The following CCSER1 variants were observed in gnomAD, a reference collection of about 807,000 sequenced individuals.
CCSER1 encodes the protein coiled-coil serine rich protein 1.
A neutral mutation model predicts 82.0 loss-of-function variants in CCSER1; 41 were observed. That is an observed-to-expected ratio of 0.50 (90% CI 0.39 to 0.65). The LOEUF (loss-of-function observed/expected upper bound fraction) is 0.65. Among genes scored for constraint, CCSER1 ranks in the 30% least tolerant of loss-of-function variants. The pLI is 0.00. For missense variants in CCSER1, 1,119 were observed against 1,064.2 expected (o/e 1.05, Z -0.72); for synonymous variants, 414 against 383.9 (o/e 1.08, Z -0.92).
At chr4:90,663,693 A>G (rs1731216506) in intron 6 of CCSER1, among the ~76,000 whole-genome samples, 1 of 152,172 alleles carries the variant, frequency 6.6e-6, no homozygotes, top group African/African-American at 2.4e-5. Context: ...TTTATTTTAC[A>G]ATATTTTAGT....
chr4:91,446,840 T>C (rs894862205), intron 10 of CCSER1, among the ~76,000 whole-genome samples: 3 of 151,920 alleles, frequency 2.0e-5, no homozygotes, highest in Admixed American at 2.0e-4. Flanking sequence ...GGTTATGATG[T>C]CTACAGCAGG....
chr4:91,231,460 G>A (rs1738619932), intron 10 of CCSER1, among the ~76,000 whole-genome samples: 1 of 151,764 alleles, frequency 6.6e-6, no homozygotes, highest in Non-Finnish European at 1.5e-5. Context: ...GAGAGGTGTG[G>A]TGGGGGAATT....
At chr4:90,773,642 G>A (rs1396451097) in intron 7 of CCSER1, among the ~76,000 whole-genome samples, 1 of 152,108 alleles carries the variant, frequency 6.6e-6, no homozygotes, top group Non-Finnish European at 1.5e-5. Flanking sequence ...TGGAAAACCA[G>A]GTGTTGGTAT....
chr4:90,556,493 T>C (rs1778156925), intron 5 of CCSER1, among the ~76,000 whole-genome samples: 1 of 152,030 alleles, frequency 6.6e-6, no homozygotes, highest in South Asian at 2.1e-4. Context: ...CACAGATAAC[T>C]TTTGGCTCCA....
intron 8 of CCSER1, among the ~76,000 whole-genome samples, chr4:90,826,688 ATCTG>A (rs1250891140): frequency 2.0e-5 from 3 of 152,186 alleles, no homozygotes; most frequent in Admixed American, 6.5e-5. Context: ...TGAGAGGAAA[ATCTG>A]TCTGACTCCA....
intron 10 of CCSER1, among the ~76,000 whole-genome samples, chr4:91,324,229 A>G (rs1445232655): frequency 6.6e-6 from 1 of 152,154 alleles, no homozygotes; most frequent in Non-Finnish European, 1.5e-5. Flanking sequence ...CTCCAAAATT[A>G]TAGTATTTAT....
At chr4:90,937,277 C>CCAGAACA (rs1028592539) in intron 9 of CCSER1, among the ~76,000 whole-genome samples, 1 of 152,050 alleles carries the variant, frequency 6.6e-6, no homozygotes, top group Non-Finnish European at 1.5e-5. Context: ...GTTCACAGAA[C>CCAGAACA]CAGAACAAGC....
chr4:91,446,579 T>TTGTG (rs10607137), intron 10 of CCSER1, among the ~76,000 whole-genome samples: 3 of 146,716 alleles, frequency 2.0e-5, no homozygotes, highest in African/African-American at 7.5e-5. Context: ...TTTCTATTCT[T>TTGTG]TGTGTGTGTG....
chr4:91,151,275 C>A (rs2148953418), intron 10 of CCSER1, among the ~76,000 whole-genome samples: 1 of 152,200 alleles, frequency 6.6e-6, no homozygotes, highest in East Asian at 1.9e-4. Flanking sequence ...TTATAGTATT[C>A]TCTGATGGTA....
chr4:91,311,521 A>G (rs1489590988), intron 10 of CCSER1, among the ~76,000 whole-genome samples: 1 of 151,974 alleles, frequency 6.6e-6, no homozygotes, highest in African/African-American at 2.4e-5. Context: ...TATTTCATTG[A>G]ACATGCCTAT....
At chr4:90,391,448 A>G (rs1373325293) in intron 3 of CCSER1, among the ~76,000 whole-genome samples, 8 of 52,872 alleles carry the variant, frequency 1.5e-4, no homozygotes, top group South Asian at 1.2e-3. Flanking sequence ...ATGGGGGTAT[A>G]TATATATATA....
chr4:90,532,493 T>C (rs1447539765), intron 5 of CCSER1, among the ~76,000 whole-genome samples: 2 of 152,042 alleles, frequency 1.3e-5, no homozygotes, highest in Non-Finnish European at 2.9e-5. Flanking sequence ...GTTGGAGCTT[T>C]TTACGGTGGT....
chr4:90,824,322 C>A (rs904046399), intron 8 of CCSER1, among the ~76,000 whole-genome samples: 25 of 151,726 alleles, frequency 1.6e-4, no homozygotes, highest in African/African-American at 6.1e-4. Flanking sequence ...CATTTGTTAA[C>A]AATTGAATAG....
chr4:91,441,268 C>T (rs546093071), intron 10 of CCSER1, among the ~76,000 whole-genome samples: 2 of 152,106 alleles, frequency 1.3e-5, no homozygotes, highest in South Asian at 2.1e-4. Context: ...AAAGCTTATC[C>T]ACCATGATCA....
At chr4:91,194,106 A>T (rs992715369) in intron 10 of CCSER1, among the ~76,000 whole-genome samples, 7 of 152,150 alleles carry the variant, frequency 4.6e-5, no homozygotes, top group African/African-American at 1.4e-4. Flanking sequence ...AGTAGCTGGG[A>T]TTGCAGGCAT....
intron 4 of CCSER1, among the ~76,000 whole-genome samples, chr4:90,443,003 A>G (rs1223951879): frequency 1.3e-5 from 2 of 152,170 alleles, no homozygotes; most frequent in African/African-American, 2.4e-5. Flanking sequence ...GAAAATGCTG[A>G]TAGTTCCAAC....
intron 8 of CCSER1, among the ~76,000 whole-genome samples, chr4:90,842,553 C>A (rs1762710885): frequency 6.6e-6 from 1 of 152,060 alleles, no homozygotes; most frequent in Admixed American, 6.5e-5. Flanking sequence ...TGGGAATGTT[C>A]AATAGGGCAT....
At chr4:91,552,996 C>T (rs549954802) in intron 10 of CCSER1, among the ~76,000 whole-genome samples, 10 of 151,436 alleles carry the variant, frequency 6.6e-5, no homozygotes, top group South Asian at 4.2e-4. Flanking sequence ...TTGAATATAA[C>T]GTTAGCTGTG....
At chr4:90,220,468 T>G (rs914183575) in intron 1 of CCSER1, among the ~76,000 whole-genome samples, 2 of 152,136 alleles carry the variant, frequency 1.3e-5, no homozygotes, top group African/African-American at 4.8e-5. Flanking sequence ...TTTGCTTTTT[T>G]TTTTGCTTTC....
Sources: gnomAD v4.1 joint callset for allele counts (sites outside exome capture counted in the v4.1 genomes callset) on GRCh38, gnomAD v4.1.1 for gene constraint, MANE v1.5 for transcripts, NCBI Gene and HGNC (gene_info 2026-07-23, HGNC 2026-07-21) for gene names.